The following RAD51B variants were observed in gnomAD, a reference collection of about 807,000 sequenced individuals.
RAD51B encodes the protein RAD51 paralog B.
A neutral mutation model predicts 42.2 loss-of-function variants in RAD51B; 38 were observed. That is an observed-to-expected ratio of 0.90 (90% confidence interval 0.70 to 1.18). The LOEUF (loss-of-function observed/expected upper bound fraction) is 1.18, where lower values mean the gene tolerates loss of function less well. Ranked by LOEUF, RAD51B falls within the 50% of genes most tolerant of loss-of-function variation. The pLI is 0.00. For missense variants in RAD51B, 373 were observed against 400.7 expected (o/e 0.93, Z 0.59); for synonymous variants, 154 against 145.2 (o/e 1.06, Z -0.43).
At chr14:68,291,582 TATG>T (rs1228815266) in intron 7 of RAD51B, among the ~76,000 whole-genome samples, 1 of 152,234 alleles carries the variant, frequency 6.6e-6, no homozygotes, top group African/African-American at 2.4e-5. Flanking sequence ...ATTTAACCAA[TATG>T]ATAACACCCC....
intron 8 of RAD51B, among the ~76,000 whole-genome samples, chr14:68,402,115 G>T (rs2084123009): frequency 6.6e-6 from 1 of 152,192 alleles, no homozygotes; most frequent in South Asian, 2.1e-4. Context: ...AATTAATTTT[G>T]CTGGAAGATA....
intron 7 of RAD51B, among the ~76,000 whole-genome samples, chr14:68,266,475 GA>G (rs1566771128): frequency 6.6e-6 from 1 of 152,228 alleles, no homozygotes; most frequent in Non-Finnish European, 1.5e-5. Context: ...AGATAGGTCA[GA>G]AAATTATTTT....
chr14:68,111,553 G>A (rs1180258424), intron 7 of RAD51B, among the ~76,000 whole-genome samples: 1 of 152,048 alleles, frequency 6.6e-6, no homozygotes, highest in African/African-American at 2.4e-5. Context: ...CATATTGAAT[G>A]TGTGACAGTT....
At chr14:67,850,089 A>G (rs745360343) in intron 4 of RAD51B, among the ~76,000 whole-genome samples, 3 of 151,910 alleles carry the variant, frequency 2.0e-5, no homozygotes, top group Non-Finnish European at 4.4e-5. Context: ...TCGACCTCCC[A>G]GGCTGAAGCA....
chr14:68,069,373 T>G (rs2076704762), intron 7 of RAD51B, among the ~76,000 whole-genome samples: 1 of 152,164 alleles, frequency 6.6e-6, no homozygotes, highest in Non-Finnish European at 1.5e-5. Context: ...TACAAATAAT[T>G]GTGTCACCTG....
chr14:68,415,692 G>A (rs1338209128), intron 9 of RAD51B, among the ~76,000 whole-genome samples: 1 of 152,176 alleles, frequency 6.6e-6, no homozygotes, highest in East Asian at 1.9e-4. Flanking sequence ...GGAAACTCTT[G>A]CTATTACAAA....
At chr14:67,848,319 A>T (rs371973406) in intron 4 of RAD51B, among the ~76,000 whole-genome samples, 44 of 152,188 alleles carry the variant, frequency 2.9e-4, no homozygotes, top group African/African-American at 1.0e-3. Context: ...GCCTGGCTGG[A>T]TTGTACCCTT....
At position 68,053,068 on chromosome 14, in the gene RAD51B, A is replaced by C. The variant is rs576577343; in HGVS notation, c.756+165864A>C. ...TGATCTTCATCTGCAGAAAAAGGGA[A>C]TCAAATCTACTGCTCATTTCATTGG... On this transcript the variant is annotated intron_variant, in intron 7 of 10. Coordinates refer to ENST00000471583, the MANE Select transcript of RAD51B (RefSeq NM_133510.4). Among the ~76,000 whole-genome samples, 8 of 152,284 alleles carry C rather than the reference A, an allele frequency of 5.3e-5. No individual in the cohort carries two copies. The East Asian group carries it at 1.5e-3, about 29-fold the overall frequency.
chr14:68,243,548 C>T (rs944539552), intron 7 of RAD51B, among the ~76,000 whole-genome samples: 1 of 151,942 alleles, frequency 6.6e-6, no homozygotes, highest in African/African-American at 2.4e-5. Context: ...TTTAGTTTCC[C>T]TTTGTTCACT....
chr14:68,494,866 G>A (rs1307589248), intron 10 of RAD51B, among the ~76,000 whole-genome samples: 1 of 151,996 alleles, frequency 6.6e-6, no homozygotes, highest in Non-Finnish European at 1.5e-5. Flanking sequence ...GATAGAAACA[G>A]GGACAGAAAA....
intron 7 of RAD51B, among the ~76,000 whole-genome samples, chr14:68,121,821 G>A (rs773991891): frequency 1.3e-5 from 2 of 152,168 alleles, no homozygotes; most frequent in South Asian, 4.1e-4. Context: ...GGTGGGACTA[G>A]ACCAATTTTT....
chr14:68,247,390 G>A (rs542289104), intron 7 of RAD51B, among the ~76,000 whole-genome samples: 116 of 152,240 alleles, frequency 7.6e-4, no homozygotes, highest in Non-Finnish European at 1.4e-3. Flanking sequence ...AGAACTGGAA[G>A]GCATGGTTAT....
At chr14:68,518,532 A>T (rs1159110308) in intron 10 of RAD51B, among the ~76,000 whole-genome samples, 1 of 151,436 alleles carries the variant, frequency 6.6e-6, no homozygotes, top group African/African-American at 2.4e-5. Flanking sequence ...CCTTAAGCCG[A>T]TGGTGACCCC....
chr14:68,567,035 C>T (rs527512742), intron 10 of RAD51B, among the ~76,000 whole-genome samples: 1 of 152,268 alleles, frequency 6.6e-6, no homozygotes, highest in African/African-American at 2.4e-5. Flanking sequence ...CACGGTGGCT[C>T]ACGCCTATAA....
intron 7 of RAD51B, among the ~76,000 whole-genome samples, chr14:67,971,619 T>A (rs1322729495): frequency 2.6e-5 from 4 of 152,112 alleles, no homozygotes; most frequent in African/African-American, 9.7e-5. Flanking sequence ...AAGATAGAAT[T>A]TGAGCTGAGT....
intron 7 of RAD51B, among the ~76,000 whole-genome samples, chr14:68,245,978 TACA>T (rs1490908139): frequency 1.4e-5 from 2 of 146,546 alleles, no homozygotes; most frequent in Non-Finnish European, 3.0e-5. Flanking sequence ...ATGAATGAGA[TACA>T]ACAAGCCTTC....
At chr14:67,850,710 C>T (rs781721461) in intron 4 of RAD51B, among the ~76,000 whole-genome samples, 9 of 152,116 alleles carry the variant, frequency 5.9e-5, no homozygotes, top group Non-Finnish European at 1.2e-4. Context: ...CACAAATACC[C>T]CTATGTCAAA....
intron 7 of RAD51B, among the ~76,000 whole-genome samples, chr14:68,020,343 T>C (rs965958626): frequency 6.6e-6 from 1 of 152,148 alleles, no homozygotes; most frequent in African/African-American, 2.4e-5. Flanking sequence ...ACTCCTGAGC[T>C]CAAGCAATCT....
chr14:68,584,363 G>A (rs1031868883), intron 10 of RAD51B, among the ~76,000 whole-genome samples: 3 of 152,104 alleles, frequency 2.0e-5, no homozygotes, highest in Non-Finnish European at 2.9e-5. Context: ...GGTTTCCTTC[G>A]ACCTCTTATA....
Sources: gnomAD v4.1 joint callset for allele counts (sites outside exome capture counted in the v4.1 genomes callset) on GRCh38, gnomAD v4.1.1 for gene constraint, MANE v1.5 for transcripts, NCBI Gene and HGNC (gene_info 2026-07-23, HGNC 2026-07-21) for gene names.